SPATA13: variants seen among roughly 807,000 people sequenced by gnomAD.
SPATA13 encodes the protein spermatogenesis-associated protein 13.
A neutral mutation model predicts 104.0 loss-of-function variants in SPATA13; 50 were observed. That is an observed-to-expected ratio of 0.48 (90% CI 0.38 to 0.61). The LOEUF (loss-of-function observed/expected upper bound fraction) is 0.61. SPATA13 is among the 20% of genes least tolerant of loss of function. The pLI is 0.00. For synonymous variants in SPATA13, 606 were observed against 667.5 expected (o/e 0.91, Z 1.42); for missense variants, 1,524 against 1,690.6 (o/e 0.90, Z 1.73).
chr13:24,002,241 A>G (rs1876011178), intron 2 of SPATA13, among the ~76,000 whole-genome samples: 1 of 152,168 alleles, frequency 6.6e-6, no homozygotes, highest in Non-Finnish European at 1.5e-5. Context: ...AGCTCACTGT[A>G]ACACTATGCC....
chr13:24,179,999 G>C (rs943155815), intron 1 of SPATA13, among the ~76,000 whole-genome samples: 1 of 152,076 alleles, frequency 6.6e-6, no homozygotes, highest in Admixed American at 6.6e-5. Flanking sequence ...TTGCATTAAA[G>C]TTTTAAATTT....
At chr13:24,103,542 G>A (rs917563531) in intron 3 of SPATA13, among the ~76,000 whole-genome samples, 8 of 138,352 alleles carry the variant, frequency 5.8e-5, no homozygotes, top group Non-Finnish European at 1.2e-4. Flanking sequence ...GAGAGAGAGA[G>A]AAGAGAGAGA....
intron 2 of SPATA13, 33 bp downstream of exon 2, chr13:24,224,615 G>C: frequency 6.5e-7 from 1 of 1,535,580 alleles, no homozygotes. Flanking sequence ...TCATGTGGGC[G>C]ACCCTCCTGC....
chr13:24,065,344 A>G lies in SPATA13; in HGVS notation c.-112+47643A>G, dbSNP rs571249970. On this transcript the variant is annotated intron_variant, in intron 3 of 14. Transcript: ENST00000424834. ...GAGAAGGTTGTATGAGGGGTAGCAGATGGGAGGCAGAGCATGTGTGGGAGG... is the reference window on the plus strand; with the variant it reads ...GAGAAGGTTGTATGAGGGGTAGCAGGTGGGAGGCAGAGCATGTGTGGGAGG... Among the ~76,000 whole-genome samples the G allele has an allele frequency of 1.5e-4, 23 of 152,194 alleles. No homozygotes were observed. In the South Asian group the frequency reaches 2.7e-3, roughly 18 times the overall value.
At chr13:24,246,102 A>G (rs1318692334) in intron 2 of SPATA13, among the ~76,000 whole-genome samples, 1 of 152,208 alleles carries the variant, frequency 6.6e-6, no homozygotes, top group Non-Finnish European at 1.5e-5. Flanking sequence ...AAAACAAACC[A>G]GACCCCAAAA....
intron 3 of SPATA13, among the ~76,000 whole-genome samples, chr13:24,076,789 AG>A (rs1425251646): frequency 1.3e-5 from 2 of 151,870 alleles, no homozygotes; most frequent in African/African-American, 4.8e-5. Context: ...CCAGAAAAGC[AG>A]GTGGAAGTCA....
At position 24,011,082 on chromosome 13, in the gene SPATA13, C is replaced by T. The variant is rs111280847; in HGVS notation, c.-146-6585C>T. Among the ~76,000 whole-genome samples, 2,196 of 152,230 alleles carry T rather than the reference C, an allele frequency of 0.014. 56 individuals are homozygous for T. The highest frequency in any genetic ancestry group is 0.05 in the African/African-American group (2,073 of 41,540). On this transcript the variant is annotated intron_variant, in intron 2 of 14. Transcript: ENST00000424834. This position sits in a 1 kb window ranked among gnomAD's most constrained non-coding sequence, Gnocchi z 4.3. Reference sequence around the variant, plus strand: ...CTGCAGTTTGCTGACTCCTCTGCAACCTTGGCTTTGGTTTCTCCCCAGGTC... The same window carrying T: ...CTGCAGTTTGCTGACTCCTCTGCAATCTTGGCTTTGGTTTCTCCCCAGGTC...
rs539262976 is a variant in SPATA13, at chr13:24,273,939, C to T, written c.2165-10196C>T. On this transcript the variant is annotated intron_variant, in intron 4 of 12. Transcript: ENST00000382108. ...TCCTGGCCTCAAGCAATCCTCCTGC[C>T]TCAGCCTCCTAAAGTGCTGAGATTA... Among the ~76,000 whole-genome samples the T allele has an allele frequency of 5.3e-5, 8 of 152,294 alleles. No individual in the cohort carries two copies. In the East Asian group the frequency reaches 1.5e-3, roughly 29 times the overall value.
At chr13:24,266,653 T>C (rs1874310053) in intron 4 of SPATA13, among the ~76,000 whole-genome samples, 1 of 152,230 alleles carries the variant, frequency 6.6e-6, no homozygotes, top group African/African-American at 2.4e-5. Flanking sequence ...ATATCTCCAC[T>C]CCTACCTACG....
intron 2 of SPATA13, among the ~76,000 whole-genome samples, chr13:24,233,067 T>C (rs1008134196): frequency 6.6e-6 from 1 of 152,216 alleles, no homozygotes; most frequent in Non-Finnish European, 1.5e-5. Context: ...TTTTTTAATA[T>C]ATGAACATCT....
chr13:24,053,000 C>T (rs58776942), intron 3 of SPATA13, among the ~76,000 whole-genome samples: 26,073 of 150,556 alleles, frequency 0.17, 2,599 homozygotes, highest in African/African-American at 0.28. Flanking sequence ...ATTCCCAATT[C>T]TCTTGGATTT....
At chr13:24,063,364 G>A (rs1235803851) in intron 3 of SPATA13, among the ~76,000 whole-genome samples, 1 of 152,088 alleles carries the variant, frequency 6.6e-6, no homozygotes, top group Non-Finnish European at 1.5e-5. Flanking sequence ...ACACATTGTG[G>A]GATGGCTAAA....
upstream of SPATA13, among the ~76,000 whole-genome samples, chr13:24,156,712 C>T (rs12428194): frequency 2.7e-4 from 41 of 152,292 alleles, no homozygotes; most frequent in Admixed American, 2.5e-3. Flanking sequence ...CATTTGACCA[C>T]GTGCCAGGCA....
chr13:24,266,121 T>C (rs1388502461), intron 4 of SPATA13, among the ~76,000 whole-genome samples: 1 of 152,182 alleles, frequency 6.6e-6, no homozygotes, highest in Non-Finnish European at 1.5e-5. Context: ...GAGTTTGAGA[T>C]ACTGCTATTA....
chr13:24,177,469 C>T (rs770677006), intron 1 of SPATA13, among the ~76,000 whole-genome samples: 3 of 152,018 alleles, frequency 2.0e-5, no homozygotes, highest in Non-Finnish European at 4.4e-5. Flanking sequence ...AAGGGTGTCT[C>T]TCTTAGGCCT....
intron 1 of SPATA13, among the ~76,000 whole-genome samples, chr13:24,215,168 T>C (rs946605129): frequency 2.6e-5 from 4 of 152,190 alleles, no homozygotes; most frequent in South Asian, 2.1e-4. Flanking sequence ...GAGTAGCTGG[T>C]CACCTCTGGC....
chr13:24,026,744 A>AT, intron 3 of SPATA13, among the ~76,000 whole-genome samples: 1 of 151,862 alleles, frequency 6.6e-6, no homozygotes, highest in African/African-American at 2.4e-5. Context: ...CGTCCAGCTA[A>AT]TTTTTTGTAT....
intron 3 of SPATA13, among the ~76,000 whole-genome samples, chr13:24,091,743 G>A (rs544229601): frequency 7.2e-5 from 11 of 152,320 alleles, no homozygotes; most frequent in Admixed American, 5.2e-4. Context: ...CCTGGGAGGC[G>A]GAGGCTGCAG....
chr13:24,283,032 G>A (rs1383597056), intron 4 of SPATA13, among the ~76,000 whole-genome samples: 2 of 152,170 alleles, frequency 1.3e-5, no homozygotes, highest in South Asian at 2.1e-4. Context: ...GTGTGCCCCC[G>A]ATCTTTGCAG....
Sources: gnomAD v4.1 joint callset for allele counts (sites outside exome capture counted in the v4.1 genomes callset) on GRCh38, gnomAD v4.1.1 for gene constraint, Gnocchi (gnomAD v3.1) non-coding constraint, MANE v1.5 for transcripts, NCBI Gene and HGNC (gene_info 2026-07-23, HGNC 2026-07-21) for gene names.